EYA1: variants seen among roughly 807,000 people sequenced by gnomAD.
EYA1 encodes EYA transcriptional coactivator and phosphatase 1.
Under a neutral mutation model 82.0 loss-of-function variants are expected in EYA1, and 16 were observed. That is an observed-to-expected ratio of 0.20 (90% CI 0.13 to 0.30). The LOEUF is 0.30. EYA1 is among the 10% of genes least tolerant of loss of function. The pLI, the probability that EYA1 is intolerant of heterozygous loss-of-function variation, is 1.00. For synonymous variants in EYA1, 261 were observed against 264.4 expected (o/e 0.99, Z 0.12); for missense variants, 633 against 730.7 (o/e 0.87, Z 1.54).
chr8:71,251,692 T>C (rs1813765426), intron 11 of EYA1, among the ~76,000 whole-genome samples: 1 of 152,188 alleles, frequency 6.6e-6, no homozygotes, highest in Non-Finnish European at 1.5e-5. Flanking sequence ...CTCTGTCAAG[T>C]GGTCTTTAAT....
chr8:71,375,277 T>A (rs1376786072), intron 2 of EYA1, among the ~76,000 whole-genome samples: 1 of 150,844 alleles, frequency 6.6e-6, no homozygotes, highest in East Asian at 1.9e-4. Context: ...TATATATAAT[T>A]TTTTAAAATG....
intron 2 of EYA1, among the ~76,000 whole-genome samples, chr8:71,472,825 G>C (rs1379596074): frequency 2.3e-5 from 3 of 130,218 alleles, no homozygotes; most frequent in South Asian, 5.0e-4. Flanking sequence ...CTGTCAGTGA[G>C]TATATGCATA....
chr8:71,400,636 A>G (rs1430237245), intron 2 of EYA1, among the ~76,000 whole-genome samples: 1 of 152,170 alleles, frequency 6.6e-6, no homozygotes, highest in East Asian at 1.9e-4. Context: ...TCAAGAAACA[A>G]CAGTTGCTGG....
intron 2 of EYA1, among the ~76,000 whole-genome samples, chr8:71,454,384 T>A (rs939988429): frequency 2.0e-4 from 31 of 152,170 alleles, no homozygotes; most frequent in African/African-American, 6.8e-4. Context: ...TTAACAAGGA[T>A]ATCCAGGAAT....
intron 12 of EYA1, among the ~76,000 whole-genome samples, chr8:71,238,894 T>A (rs1476285754): frequency 6.6e-6 from 1 of 152,076 alleles, no homozygotes; most frequent in Non-Finnish European, 1.5e-5. Flanking sequence ...GCTTCCAGTA[T>A]TTTACTGCTA....
chr8:71,403,981 AACATTAAGG>A (rs1830087750), intron 2 of EYA1: 1 of 152,224 alleles, frequency 6.6e-6, no homozygotes, highest in Non-Finnish European at 1.5e-5. Flanking sequence ...GACTTCAGAA[AACATTAAGG>A]ACATTTAAAA....
At chr8:71,272,244 A>G (rs1171867729) in intron 9 of EYA1, among the ~76,000 whole-genome samples, 2 of 152,084 alleles carry the variant, frequency 1.3e-5, no homozygotes, top group Non-Finnish European at 2.9e-5. Flanking sequence ...ACCTGGCCAT[A>G]CTGAGAGGCT....
chr8:71,272,156 A>T (rs1816622862), intron 9 of EYA1, among the ~76,000 whole-genome samples: 1 of 152,208 alleles, frequency 6.6e-6, no homozygotes, highest in Non-Finnish European at 1.5e-5. Context: ...GGTTGCCTGC[A>T]TCTTCCATGT....
chr8:71,505,244 C>A (rs927268024), intron 2 of EYA1, among the ~76,000 whole-genome samples: 1 of 152,170 alleles, frequency 6.6e-6, no homozygotes, highest in African/African-American at 2.4e-5. Context: ...CCTGGCAGCA[C>A]ATCAGAATCA....
intron 1 of EYA1, among the ~76,000 whole-genome samples, chr8:71,541,903 T>C (rs995179465): frequency 2.0e-5 from 3 of 152,194 alleles, no homozygotes; most frequent in African/African-American, 7.2e-5. Context: ...CTCAGCCTAC[T>C]AAGTCTACAG....
chr8:71,454,640 G>C (rs1162462836), intron 2 of EYA1, among the ~76,000 whole-genome samples: 2 of 152,174 alleles, frequency 1.3e-5, no homozygotes, highest in Non-Finnish European at 2.9e-5. Flanking sequence ...CAACTACATG[G>C]AAACAGAACA....
chr8:71,330,431 G>T (rs533677751), intron 4 of EYA1, among the ~76,000 whole-genome samples: 119 of 152,232 alleles, frequency 7.8e-4, no homozygotes, highest in Non-Finnish European at 1.2e-3. Flanking sequence ...TGTTGAGTTT[G>T]TGTCAGCTGT....
At chr8:71,522,619 CTTT>C (rs35579621) in intron 2 of EYA1, among the ~76,000 whole-genome samples, 6 of 135,530 alleles carry the variant, frequency 4.4e-5, no homozygotes, top group Admixed American at 7.4e-5. Flanking sequence ...TCAATACAAA[CTTT>C]TTTTTTTTTT....
At chr8:71,423,061 T>A (rs897724574) in intron 2 of EYA1, among the ~76,000 whole-genome samples, 2 of 152,186 alleles carry the variant, frequency 1.3e-5, no homozygotes, top group African/African-American at 4.8e-5. Context: ...AAATCCTGTT[T>A]TTTTTTCCTT....
chr8:71,315,778 G>C (rs1353850809), intron 7 of EYA1, among the ~76,000 whole-genome samples: 1 of 152,152 alleles, frequency 6.6e-6, no homozygotes. Context: ...CTGCATAAAA[G>C]TTTTGGAATG....
At chr8:71,228,858 G>A (rs992533261) in intron 12 of EYA1, among the ~76,000 whole-genome samples, 6 of 152,154 alleles carry the variant, frequency 3.9e-5, no homozygotes, top group Non-Finnish European at 7.4e-5. Flanking sequence ...GAAGGTACTA[G>A]ATTCTTGTAA....
At chr8:71,504,043 C>T (rs780283394) in intron 2 of EYA1, among the ~76,000 whole-genome samples, 5 of 152,150 alleles carry the variant, frequency 3.3e-5, no homozygotes, top group Non-Finnish European at 7.4e-5. Flanking sequence ...TCCTGGTGTA[C>T]ATAAATGTTT....
At chr8:71,493,418 T>A (rs562165363) in intron 2 of EYA1, among the ~76,000 whole-genome samples, 1 of 152,288 alleles carries the variant, frequency 6.6e-6, no homozygotes, top group South Asian at 2.1e-4. Flanking sequence ...ATGTGGTTTA[T>A]CCAGTAAACA....
intron 2 of EYA1, among the ~76,000 whole-genome samples, chr8:71,397,170 G>T (rs1019648803): frequency 4.6e-5 from 7 of 151,944 alleles, no homozygotes; most frequent in Admixed American, 4.6e-4. Context: ...TTTATTTTGA[G>T]CCTATGTGTG....
Sources: gnomAD v4.1 joint callset for allele counts (sites outside exome capture counted in the v4.1 genomes callset) on GRCh38, gnomAD v4.1.1 for gene constraint, MANE v1.5 for transcripts, NCBI Gene and HGNC (gene_info 2026-07-23, HGNC 2026-07-21) for gene names.